The following SAP18 variants were observed in gnomAD, a reference collection of about 807,000 sequenced individuals.
SAP18 encodes the protein histone deacetylase complex subunit SAP18.
Under a neutral mutation model 18.6 loss-of-function variants are expected in SAP18, and 4 were observed. The ratio of observed to expected loss-of-function variants is 0.21; its 90% CI spans 0.11 to 0.49. SAP18 has a LOEUF of 0.49. Ranked by LOEUF, SAP18 falls within the 20% of genes least tolerant of loss-of-function variation. The pLI, the probability that SAP18 is intolerant of heterozygous loss-of-function variation, is 0.98. For missense variants in SAP18, 170 were observed against 226.4 expected, an observed-to-expected ratio of 0.75 and a Z score of 1.60; for synonymous variants, 112 against 82.8, an observed-to-expected ratio of 1.35 and a Z score of -1.92.
chr13:21,146,962 C>A, intron 3 of SAP18, 35 bp downstream of exon 3: 1 of 1,583,486 alleles, frequency 6.3e-7, no homozygotes, highest in Non-Finnish European at 8.6e-7. Context: ...CCTGTAATCT[C>A]TTTGTTTTTA....
exon 1 of SAP18, chr13:21,140,542 A>C (rs199958048): frequency 3.2e-6 from 5 of 1,577,494 alleles, no homozygotes; most frequent in South Asian, 2.3e-5. Flanking sequence ...CTCGCGAGAG[A>C]CTTAGTGCTC....
chr13:21,140,545 T>G (rs757445435), exon 1 of SAP18: 2 of 1,580,222 alleles, frequency 1.3e-6, no homozygotes, highest in African/African-American at 1.4e-5. Flanking sequence ...GCGAGAGACT[T>G]AGTGCTCATG....
At chr13:21,140,565 G>C (rs1448383400) in exon 1 of SAP18, 1 of 1,599,042 alleles carries the variant, frequency 6.3e-7, no homozygotes, top group Non-Finnish European at 8.5e-7. Flanking sequence ...GCTCGCTGCA[G>C]GGGTCGGAGG....
chr13:21,140,460 C>A (rs982643722), upstream of SAP18: 8 of 1,405,988 alleles, frequency 5.7e-6, no homozygotes, highest in African/African-American at 8.7e-5. Flanking sequence ...TCGCTCACCA[C>A]GCACGGAAGT....
intron 2 of SAP18, chr13:21,141,468 ATTTC>A (rs1869461902): frequency 5.7e-6 from 1 of 174,456 alleles, no homozygotes; most frequent in Admixed American, 5.5e-5. Context: ...AACCCGAGTT[ATTTC>A]TTCTCTAAGG....
Position 21,147,179 on chromosome 13 carries a change from C to G in SAP18, c.363-7C>G. On this transcript the variant is annotated splice_region_variant and splice_polypyrimidine_tract_variant and intron_variant, in intron 3 of 3. Transcript: ENST00000621421. ...GATCCATTAACAGTTGATTTTCTTTCTTACAGAGTTAAGGAGATTGGCAGC... is the reference window on the plus strand; with the variant it reads ...GATCCATTAACAGTTGATTTTCTTTGTTACAGAGTTAAGGAGATTGGCAGC... The G allele has an allele frequency of 1.2e-6, 2 of 1,605,842 alleles. No homozygotes were observed. The highest frequency in any genetic ancestry group is 1.7e-6 in the Non-Finnish European group (2 of 1,176,926).
At chr13:21,146,706 ACAACT>A (rs1869663846) in intron 2 of SAP18, 94 bp from the exon 3 acceptor site, 2 of 947,754 alleles carry the variant, frequency 2.1e-6, no homozygotes, top group Non-Finnish European at 3.0e-6. Flanking sequence ...AATGTAAATC[ACAACT>A]CAGATATATG....
At chr13:21,148,043 CTT>C (rs71677346) in exon 4 of SAP18, 10,256 of 152,234 alleles carry the variant, frequency 0.067, 474 homozygotes, top group Non-Finnish European at 0.1. Context: ...AAGGAGGAAT[CTT>C]AAGACCGAGG....
chr13:21,146,303 C>T (rs570422808), intron 2 of SAP18, among the ~76,000 whole-genome samples: 7 of 152,262 alleles, frequency 4.6e-5, no homozygotes, highest in African/African-American at 1.7e-4. Context: ...GCTGAGGTCA[C>T]GCCACTGCAC....
At chr13:21,140,901 C>T in exon 2 of SAP18, 1 of 1,613,846 alleles carries the variant, frequency 6.2e-7, no homozygotes, top group Non-Finnish European at 8.5e-7. Flanking sequence ...CCCACTGTTG[C>T]TACGGGTCTT....
At chr13:21,146,138 G>A (rs1869642561) in intron 2 of SAP18, among the ~76,000 whole-genome samples, 1 of 152,148 alleles carries the variant, frequency 6.6e-6, no homozygotes, top group Non-Finnish European at 1.5e-5. Context: ...CTTGAAGTCA[G>A]GAGTTCGAGA....
At chr13:21,140,711 G>T (rs760702593) in intron 1 of SAP18, 30 bp downstream of exon 1, 33 of 1,603,870 alleles carry the variant, frequency 2.1e-5, no homozygotes, top group Non-Finnish European at 2.8e-5. Flanking sequence ...TGGGGTCCGG[G>T]AAGAGGTTGG....
chr13:21,140,713 A>G (rs962754382), intron 1 of SAP18, 32 bp downstream of exon 1: 5 of 1,603,842 alleles, frequency 3.1e-6, no homozygotes, highest in Non-Finnish European at 2.6e-6. Context: ...GGGTCCGGGA[A>G]GAGGTTGGGG....
At chr13:21,140,570 C>A (rs368287644) in exon 1 of SAP18, 7 of 1,601,178 alleles carry the variant, frequency 4.4e-6, no homozygotes, top group Non-Finnish European at 6.0e-6. Context: ...CTGCAGGGGT[C>A]GGAGGTCAGG....
chr13:21,147,252 G>A (rs750783191), exon 4 of SAP18: 5 of 1,613,968 alleles, frequency 3.1e-6, no homozygotes, highest in Non-Finnish European at 2.5e-6. Flanking sequence ...CCCTGCAGTC[G>A]CAGAAGTTCC....
intron 2 of SAP18, among the ~76,000 whole-genome samples, chr13:21,145,884 C>T (rs1272440554): frequency 6.6e-6 from 1 of 152,104 alleles, no homozygotes; most frequent in Non-Finnish European, 1.5e-5. Flanking sequence ...AGATTGTTCT[C>T]TTATTAGCTC....
rs1029163753 is a variant in SAP18, at chr13:21,146,936, C to T, written c.362+9C>T. The stretch of plus-strand genomic sequence containing the variant: ...AAAAGACCTGGCTATCGGTAGGTAA[C>T]TTCTCATTTTTAAGTCCTGTAATCT... On this transcript the variant is annotated intron_variant, in intron 3 of 3. Coordinates refer to ENST00000621421, the Ensembl canonical transcript of SAP18. 3.7e-5 allele frequency: 60 copies of T among 1,601,068 alleles called. No individual in the cohort carries two copies. Among genetic ancestry groups the T allele is most frequent in the Non-Finnish European group, 5.1e-5 (60 of 1,176,180 alleles).
chr13:21,145,180 C>T (rs1869608011), intron 2 of SAP18, among the ~76,000 whole-genome samples: 1 of 151,180 alleles, frequency 6.6e-6, no homozygotes, highest in Non-Finnish European at 1.5e-5. Flanking sequence ...GATTCTCCTG[C>T]CTCAGCCTCC....
chr13:21,147,113 C>A, intron 3 of SAP18, 73 bp from the exon 4 acceptor site: 1 of 1,495,330 alleles, frequency 6.7e-7, no homozygotes. Context: ...AAATCCAGTG[C>A]CATATTCACT....
Sources: gnomAD v4.1 joint callset for allele counts (sites outside exome capture counted in the v4.1 genomes callset) on GRCh38, gnomAD v4.1.1 for gene constraint, MANE v1.5 for transcripts, NCBI Gene and HGNC (gene_info 2026-07-23, HGNC 2026-07-21) for gene names.